POLD1: variants seen among roughly 807,000 people sequenced by gnomAD.
POLD1 encodes DNA polymerase delta 1, catalytic subunit.
A neutral mutation model predicts 129.7 loss-of-function variants in POLD1; 79 were observed. That is an observed-to-expected ratio of 0.61 (90% CI 0.51 to 0.73). The LOEUF (loss-of-function observed/expected upper bound fraction) is 0.73, where lower values mean the gene tolerates loss of function less well. POLD1 is among the 30% of genes least tolerant of loss of function. The pLI, the probability that POLD1 is intolerant of heterozygous loss-of-function variation, is 0.00. For synonymous variants in POLD1, 714 were observed against 683.3 expected (o/e 1.04, Z -0.70); for missense variants, 1,338 against 1,595.8 (o/e 0.84, Z 2.75).
chr19:50,403,578 C>T lies in POLD1; in HGVS notation c.1223C>T (p.Ser408Phe). Residue 408 changes from serine to phenylalanine, a missense_variant, in exon 10 of 27, where the codon TCT becomes TTT. Coordinates refer to ENST00000440232, the MANE Select transcript of POLD1 (RefSeq NM_002691.4). ...AACTTCGACCTTCCGTACCTCATCT[C>T]TCGGGCCCAGACCCTCAAGGTGAGG... is the stretch of plus-strand genomic sequence containing the variant. ...IQNFDLPYLI[S>F]RAQTLKVQTF... is the part of the protein sequence containing the mutation. The T allele has an allele frequency of 6.2e-7, 1 of 1,612,792 alleles. No homozygotes were observed. Among genetic ancestry groups the T allele is most frequent in the Non-Finnish European group, 8.5e-7 (1 of 1,178,738 alleles).
chr19:50,417,263 G>A lies in POLD1; in HGVS notation c.3212G>A (p.Cys1071Tyr), dbSNP rs2122509336. 1 of 1,593,382 alleles carries A rather than the reference G, an allele frequency of 6.3e-7. No homozygotes were observed. The highest frequency in any genetic ancestry group is 8.5e-7 in the Non-Finnish European group (1 of 1,173,118). The part of the protein sequence containing the change: ...CQGSLHEDVI[C>Y]TSRDCPIFYM... ...GGCAGCCTGCACGAGGACGTCATCT[G>A]CACCAGGTGTGTGCCATGTCCCGAC... is the stretch of plus-strand genomic sequence containing the variant. The change falls in exon 26 of 27, where the codon TGC becomes TAC. Residue 1071 changes from cysteine to tyrosine, a missense_variant. By Grantham distance (194) the Cys-to-Tyr change is radical. This residue lies in a region of POLD1 where 286 missense variants were observed against 277.5 expected (regional missense o/e 1.03). Transcript: ENST00000440232.
chr19:50,394,409 T>C (rs1036111628), intron 1 of POLD1, among the ~76,000 whole-genome samples: 1 of 152,026 alleles, frequency 6.6e-6, no homozygotes, highest in African/African-American at 2.4e-5. Flanking sequence ...CCCAGCACTT[T>C]GGGAGGCCGA....
At position 50,409,019 on chromosome 19, in the gene POLD1, T is replaced by A; in HGVS notation, c.1893-103T>A. The A allele has an allele frequency of 7.6e-7, 1 of 1,324,242 alleles. No individual in the cohort carries two copies. Among genetic ancestry groups the A allele is most frequent in the East Asian group, 2.3e-5 (1 of 43,266 alleles). The allele number at this position is 1,324,242 out of a possible 1,614,324, so 82.0% of individuals were successfully genotyped here. ...GAGATAGTAGGGAGTGGAGGGGTGC[T>A]TGAGGGGCCTGCGTGTGCTCATGGC... On this transcript the variant is annotated intron_variant, in intron 15 of 26. Transcript: ENST00000440232. This position sits in a 1 kb window ranked among gnomAD's most constrained non-coding sequence, Gnocchi z 5.8.
intron 1 of POLD1, among the ~76,000 whole-genome samples, chr19:50,394,741 T>C (rs2038285035): frequency 6.6e-6 from 1 of 152,114 alleles, no homozygotes; most frequent in Non-Finnish European, 1.5e-5. Flanking sequence ...GCTGACCTGC[T>C]CACCTGCCTC....
intron 1 of POLD1, among the ~76,000 whole-genome samples, chr19:50,396,308 C>T (rs916950319): frequency 2.0e-5 from 3 of 151,182 alleles, no homozygotes; most frequent in Non-Finnish European, 2.9e-5. Context: ...AGGCTGGTCT[C>T]GAACTCCTGA....
In POLD1 at chr19:50,409,273, G is replaced by T. The variant is rs1271849528; in HGVS notation, c.2006+38G>T. 1.2e-5 allele frequency: 17 copies of T among 1,445,022 alleles called. No homozygotes were observed. In the East Asian group the frequency reaches 3.4e-4, roughly 29 times the overall value. 89.5% of individuals were successfully genotyped at this position (1,445,022 alleles called of 1,614,324 possible). A position where few individuals can be genotyped will look rare whatever the true frequency, so the allele number is the denominator to read the frequency against. The stretch of plus-strand genomic sequence containing the variant: ...GATCGCCTGCTTGGAGCTCAGACCT[G>T]TTGGGGCCTCTGGGCAATCCCTGTC... On this transcript the variant is annotated intron_variant, in intron 16 of 26. Transcript: ENST00000440232. This position sits in a 1 kb window ranked among gnomAD's most constrained non-coding sequence, Gnocchi z 5.8.
At chr19:50,387,268 AT>A (rs1225254219) in intron 1 of POLD1, among the ~76,000 whole-genome samples, 1 of 152,124 alleles carries the variant, frequency 6.6e-6, no homozygotes, top group Non-Finnish European at 1.5e-5. Context: ...AGTGAGCAAG[AT>A]CCTTTCCCAA....
chr19:50,408,620 C>A, intron 14 of POLD1, 165 bp from the exon 15 acceptor site: 1 of 1,056,876 alleles, frequency 9.5e-7, no homozygotes, highest in Non-Finnish European at 1.4e-6. Context: ...TGAGTTCAAG[C>A]GATCCTCCTG....
Position 50,401,918 on chromosome 19 carries a change from C to A in POLD1, c.457C>A (p.Pro153Thr), listed in dbSNP as rs1555789811. 3 of 1,614,026 alleles carry A rather than the reference C, an allele frequency of 1.9e-6. No individual in the cohort carries two copies. The East Asian group carries it at 6.7e-5, about 36-fold the overall frequency. Residue 153 changes from proline to threonine, a missense_variant, in exon 4 of 27, where the codon CCC (proline) becomes ACC (threonine). Pro to Thr is a conservative substitution (Grantham distance 38). This residue lies in a region of POLD1 where 332 missense variants were observed against 315.7 expected (regional missense o/e 1.05). Transcript: ENST00000440232. Reference protein sequence around the residue: ...GFAPYFYTPAPPGFGPEHMGD... With the variant: ...GFAPYFYTPATPGFGPEHMGD... ...CGCTCCCTACTTCTACACCCCAGCG[C>A]CCCCTGGTGAGTGGCCCCTACCCAG...
At chr19:50,392,907 C>T (rs548283036) in intron 1 of POLD1, among the ~76,000 whole-genome samples, 2 of 152,222 alleles carry the variant, frequency 1.3e-5, no homozygotes, top group African/African-American at 4.8e-5. Context: ...CTTTGAGAAC[C>T]TTCCCTATCA....
chr19:50,412,420 T>C (rs2039117890), intron 17 of POLD1, among the ~76,000 whole-genome samples: 1 of 151,240 alleles, frequency 6.6e-6, no homozygotes, highest in South Asian at 2.1e-4. Context: ...CCCAAAGTGC[T>C]GGGATTACTG....
chr19:50,395,321 C>T (rs1394015638), intron 1 of POLD1, among the ~76,000 whole-genome samples: 2 of 151,488 alleles, frequency 1.3e-5, no homozygotes, highest in Non-Finnish European at 2.9e-5. Context: ...GTAGGCCGGG[C>T]GCGGTGGCTC....
rs1399298542 is a variant in POLD1, at chr19:50,406,131, T to G, written c.1243-51T>G. 6.3e-7 allele frequency: 1 copy of G among 1,588,930 alleles called. No individual in the cohort carries two copies. The highest frequency in any genetic ancestry group is 1.3e-5 in the African/African-American group (1 of 74,652). On this transcript the variant is annotated intron_variant, in intron 10 of 26. Coordinates refer to ENST00000440232, the MANE Select transcript of POLD1 (RefSeq NM_002691.4). This position sits in a 1 kb window ranked among gnomAD's most constrained non-coding sequence, Gnocchi z 5.5. ...TGGTCTCAATCTCCGTTCTTCAGGC[T>G]TATGTGACGGGGACCCGCAGCCTGC... is the stretch of plus-strand genomic sequence containing the variant.
intron 3 of POLD1, among the ~76,000 whole-genome samples, chr19:50,401,391 ATTTTTTTT>A (rs1203165864): frequency 1.4e-3 from 95 of 65,914 alleles, no homozygotes; most frequent in African/African-American, 3.6e-3. Flanking sequence ...ATATATATAT[ATTTTTTTT>A]TTTTTTTTTT....
At chr19:50,408,213 C>T (rs3219405) in intron 14 of POLD1, among the ~76,000 whole-genome samples, 17,236 of 149,926 alleles carry the variant, frequency 0.11, 3,200 homozygotes, top group African/African-American at 0.39. Flanking sequence ...CGGGCGCCTG[C>T]AGTGCCAGCT....
chr19:50,396,639 G>A (rs1390561188), intron 1 of POLD1, among the ~76,000 whole-genome samples: 6 of 150,930 alleles, frequency 4.0e-5, no homozygotes, highest in Non-Finnish European at 8.8e-5. Flanking sequence ...CACCATGCCC[G>A]GCTAATTTTT....
intron 26 of POLD1, 56 bp from the exon 27 acceptor site, chr19:50,417,786 C>T: frequency 8.8e-7 from 1 of 1,136,802 alleles, no homozygotes; most frequent in Non-Finnish European, 1.3e-6. Flanking sequence ...ACCCCTCTCC[C>T]AGGCTGGGCA....
Position 50,414,857 on chromosome 19 carries a change from GGCCTGCTCTTCTCCTCCCGGCCCGAC to G in POLD1, c.2435_2460del (p.Leu812ProfsTer38). ...GCTTATCAGCAAGAAGCGCTACGCG[GGCCTGCTCTTCTCCTCCCGGCCCGAC>G]GCCCACGACCGCATGGACTGCAAGG... On this transcript the variant is annotated frameshift_variant, in exon 20 of 27. Transcript: ENST00000440232. LOFTEE classifies it high-confidence loss of function. 1 of 1,602,968 alleles carries G rather than the reference GGCCTGCTCTTCTCCTCCCGGCCCGAC, an allele frequency of 6.2e-7. No homozygotes were observed. Among genetic ancestry groups the G allele is most frequent in the South Asian group, 1.1e-5 (1 of 89,994 alleles).
Position 50,416,563 on chromosome 19 carries a change from G to C in POLD1, c.2953+35G>C, listed in dbSNP as rs762236940. 6 of 1,547,356 alleles carry C rather than the reference G, an allele frequency of 3.9e-6. No homozygotes were observed. In the South Asian group the frequency reaches 4.7e-5, roughly 12 times the overall value. ...CACCAGGGGACTGGGGGCACCCTGG[G>C]GGGGCAGAGGAGATCACCGGCCCAC... On this transcript the variant is annotated intron_variant, in intron 23 of 26. Transcript: ENST00000440232.
Sources: gnomAD v4.1 joint callset for allele counts (sites outside exome capture counted in the v4.1 genomes callset) on GRCh38, gnomAD v4.1.1 for gene constraint, gnomAD v4.1.1 regional missense constraint, Gnocchi (gnomAD v3.1) non-coding constraint, MANE v1.5 for transcripts, NCBI Gene and HGNC (gene_info 2026-07-23, HGNC 2026-07-21) for gene names.